Variants in MARCHF6 observed in about 807,000 individuals in gnomAD.
MARCHF6 encodes membrane associated ring-CH-type finger 6, also known as E3 ubiquitin-protein ligase MARCHF6.
MARCHF6 carries 31 observed loss-of-function variants against 133.7 expected under a neutral mutation model. The observed-to-expected ratio is 0.23, with a 90% CI of 0.17 to 0.31. MARCHF6 has a LOEUF of 0.31. Ranked by LOEUF, MARCHF6 falls within the 10% of genes least tolerant of loss-of-function variation. MARCHF6 has a pLI of 1.00. For synonymous variants in MARCHF6, 395 were observed against 402.5 expected, an observed-to-expected ratio of 0.98 and a Z score of 0.22; for missense variants, 723 against 1,121.6, an observed-to-expected ratio of 0.64 and a Z score of 5.08.
intron 10 of MARCHF6, among the ~76,000 whole-genome samples, chr5:10,399,438 T>C (rs929950551): frequency 6.6e-6 from 1 of 152,068 alleles, no homozygotes; most frequent in African/African-American, 2.4e-5. Flanking sequence ...GTCTTCATGA[T>C]TGAGTTTCCC....
chr5:10,355,212 A>G (rs1052418084), intron 1 of MARCHF6, among the ~76,000 whole-genome samples: 18 of 152,256 alleles, frequency 1.2e-4, no homozygotes, highest in Admixed American at 1.3e-4. Context: ...AGTGTAGCTA[A>G]TCGCCACTGG....
At chr5:10,431,571 G>A (rs1740362404) in intron 25 of MARCHF6, among the ~76,000 whole-genome samples, 1 of 151,972 alleles carries the variant, frequency 6.6e-6, no homozygotes, top group South Asian at 2.1e-4. Flanking sequence ...GTCAGCTGTT[G>A]TATATGTACT....
intron 1 of MARCHF6, among the ~76,000 whole-genome samples, chr5:10,357,902 A>G (rs1735576381): frequency 6.6e-6 from 1 of 152,138 alleles, no homozygotes; most frequent in Non-Finnish European, 1.5e-5. Flanking sequence ...GAAGGTTATA[A>G]ACGCTGTGGA....
intron 1 of MARCHF6, among the ~76,000 whole-genome samples, chr5:10,359,490 TATA>T (rs1230236995): frequency 6.6e-6 from 1 of 152,212 alleles, no homozygotes; most frequent in Non-Finnish European, 1.5e-5. Context: ...ACGCAATACA[TATA>T]ATACAGTTTA....
At chr5:10,423,851 G>C in intron 23 of MARCHF6, 27 bp downstream of exon 23, 1 of 1,524,600 alleles carries the variant, frequency 6.6e-7, no homozygotes, top group Non-Finnish European at 9.1e-7. Context: ...TTCAGAGAAA[G>C]ACATTCTGGA....
chr5:10,408,429 T>C (rs1262328264), intron 17 of MARCHF6, among the ~76,000 whole-genome samples: 1 of 152,244 alleles, frequency 6.6e-6, no homozygotes, highest in Non-Finnish European at 1.5e-5. Flanking sequence ...GAGGCTCCCC[T>C]GATTACTTAG....
intron 5 of MARCHF6, among the ~76,000 whole-genome samples, chr5:10,389,488 C>T (rs1045001623): frequency 2.0e-5 from 3 of 151,878 alleles, no homozygotes; most frequent in Non-Finnish European, 2.9e-5. Flanking sequence ...TGCAACCCCC[C>T]GCCTCCTGGG....
At chr5:10,376,126 C>T (rs984896832) in intron 1 of MARCHF6, among the ~76,000 whole-genome samples, 1 of 152,084 alleles carries the variant, frequency 6.6e-6, no homozygotes, top group African/African-American at 2.4e-5. Context: ...GCTCGGGTCC[C>T]CTTCCACACT....
chr5:10,410,399 G>A lies in MARCHF6; in HGVS notation c.1691+123G>A, dbSNP rs1304073042. 3.3e-6 allele frequency: 4 copies of A among 1,201,840 alleles called. No homozygotes were observed. The African/African-American group carries it at 6.2e-5, about 18-fold the overall frequency. The allele number at this position is 1,201,840 out of a possible 1,614,324, so 74.4% of individuals were successfully genotyped here. On this transcript the variant is annotated intron_variant, in intron 18 of 25. Coordinates refer to ENST00000274140, the MANE Select transcript of MARCHF6 (RefSeq NM_005885.4). Reference sequence around the variant, plus strand: ...ATTAGTTTTAATAAGAGACAATTTAGTAATATTTGCAATTGCATATAATAC... The same window carrying A: ...ATTAGTTTTAATAAGAGACAATTTAATAATATTTGCAATTGCATATAATAC...
At chr5:10,431,368 T>C (rs1740349656) in intron 25 of MARCHF6, among the ~76,000 whole-genome samples, 1 of 152,218 alleles carries the variant, frequency 6.6e-6, no homozygotes. Flanking sequence ...TTCTTTATGC[T>C]GGATGCCTGC....
chr5:10,365,192 TCAGGCTTCCAGGAGCAA>T (rs1210991638), intron 1 of MARCHF6, among the ~76,000 whole-genome samples: 2 of 152,200 alleles, frequency 1.3e-5, no homozygotes, highest in Admixed American at 6.5e-5. Flanking sequence ...AGTGCAGTTT[TCAGGCTTCCAGGAGCAA>T]CAGTACAGGT....
At chr5:10,354,139 G>C (rs1186538660) in intron 1 of MARCHF6, 3 of 340,446 alleles carry the variant, frequency 8.8e-6, no homozygotes, top group Non-Finnish European at 1.6e-5. Context: ...GGACCCTGCC[G>C]GGCAGGGGCC....
intron 19 of MARCHF6, 102 bp downstream of exon 19, chr5:10,411,639 G>A: frequency 1.2e-6 from 1 of 816,930 alleles, no homozygotes; most frequent in South Asian, 2.3e-5. Flanking sequence ...AGTCCTCTGT[G>A]TAGACATGTT....
intron 2 of MARCHF6, among the ~76,000 whole-genome samples, chr5:10,378,118 A>G (rs1220519879): frequency 6.6e-6 from 1 of 152,218 alleles, no homozygotes; most frequent in Admixed American, 6.5e-5. Flanking sequence ...ATTTTGGTGT[A>G]TCCTCTTCCA....
chr5:10,414,422 T>G lies in MARCHF6; in HGVS notation c.1897-11T>G, dbSNP rs1739392674. 3 of 1,583,040 alleles carry G rather than the reference T, an allele frequency of 1.9e-6. No individual in the cohort carries two copies. Among genetic ancestry groups the G allele is most frequent in the Non-Finnish European group, 2.6e-6 (3 of 1,153,572 alleles). ...TCTCTATTTATGCACTCCTTATGTT[T>G]TACTTTGCAGATATTTCTGTTGATT... is the stretch of plus-strand genomic sequence containing the variant. On this transcript the variant is annotated splice_polypyrimidine_tract_variant and intron_variant, in intron 19 of 25. Coordinates refer to ENST00000274140, the MANE Select transcript of MARCHF6 (RefSeq NM_005885.4).
Position 10,437,603 on chromosome 5 carries a change from G to A in MARCHF6, c.*3919G>A, listed in dbSNP as rs557632891. On this transcript the variant is annotated 3_prime_UTR_variant, in exon 26 of 26. Transcript: ENST00000274140. ...CTGTTTTGTACGAGTGCCTCATTTT[G>A]TAGTCATGAAAGTAACATAGTACCT... The A allele has an allele frequency of 6.6e-6, 1 of 152,294 alleles. No homozygotes were observed. The highest frequency in any genetic ancestry group is 1.9e-4 in the East Asian group (1 of 5,188). The allele number at this position is 152,294 out of a possible 1,614,324, so 9.4% of individuals were successfully genotyped here.
intron 25 of MARCHF6, among the ~76,000 whole-genome samples, chr5:10,430,979 T>C (rs1279506164): frequency 1.3e-5 from 2 of 152,232 alleles, no homozygotes; most frequent in Non-Finnish European, 2.9e-5. Flanking sequence ...AGTGAGTTTA[T>C]GGTTTATCCA....
chr5:10,387,698 C>A (rs1231864536), intron 5 of MARCHF6, among the ~76,000 whole-genome samples: 1 of 151,952 alleles, frequency 6.6e-6, no homozygotes, highest in Admixed American at 6.6e-5. Context: ...TTAAATGGAG[C>A]CTCGCTCTAT....
At chr5:10,400,639 A>C (rs1197376708) in intron 10 of MARCHF6, 145 bp from the exon 11 acceptor site, 4 of 616,924 alleles carry the variant, frequency 6.5e-6, no homozygotes, top group Non-Finnish European at 1.2e-5. Context: ...AGTTACAGAG[A>C]ATGTCCTAGG....
Sources: allele counts gnomAD v4.1 joint callset (sites outside exome capture counted in the v4.1 genomes callset), GRCh38; gene constraint gnomAD v4.1.1; transcripts MANE v1.5; gene names NCBI Gene and HGNC (gene_info 2026-07-23, HGNC 2026-07-21).